Variants in ZNF699 observed in about 807,000 individuals in gnomAD.
ZNF699 encodes the protein zinc finger protein 699.
Under a neutral mutation model 22.5 loss-of-function variants are expected in ZNF699, and 18 were observed. The observed-to-expected ratio is 0.80, with a 90% CI of 0.55 to 1.19. The LOEUF (loss-of-function observed/expected upper bound fraction) is 1.19, where lower values mean the gene tolerates loss of function less well. Ranked by LOEUF, ZNF699 falls within the 50% of genes most tolerant of loss-of-function variation. ZNF699 has a pLI of 0.00. For synonymous variants in ZNF699, 241 were observed against 262.3 expected (o/e 0.92, Z 0.78); for missense variants, 670 against 763.4 (o/e 0.88, Z 1.44).
In ZNF699 at chr19:9,296,220, TC is replaced by T; in HGVS notation, c.1183del (p.Glu395AsnfsTer12). 1.2e-6 allele frequency: 2 copies of T among 1,614,120 alleles called. No individual in the cohort carries two copies. Among genetic ancestry groups the T allele is most frequent in the Non-Finnish European group, 1.7e-6 (2 of 1,179,988 alleles). ...GGGACAATTGTAGGCTTTCCCACAT[TC>T]CTTACATTTATAGGGTTTCTCTCCA... ...HTGEKPYKCK[E>X]CGKAYNCPSS... On this transcript the variant is annotated frameshift_variant, in exon 6 of 6. Transcript: ENST00000591998. LOFTEE classifies it low-confidence loss of function (END_TRUNC).
In ZNF699 at chr19:9,295,982, C is replaced by T. The variant is rs1490333984; in HGVS notation, c.1422G>A (p.Gln474=). The T allele has an allele frequency of 1.2e-6, 2 of 1,613,020 alleles. No individual in the cohort carries two copies. Among genetic ancestry groups the T allele is most frequent in the African/African-American group, 1.3e-5 (1 of 74,590 alleles). The change falls in exon 6 of 6, where the codon CAG becomes CAA. Residue 474 remains glutamine, a synonymous_variant. Transcript: ENST00000591998. ...AHVRDHTGKI[Q]YECKECGKTF... is the part of the protein sequence containing the mutation. Reference sequence around the variant, plus strand: ...TCTTCCCACACTCCTTACATTCATACTGTATCTTTCCAGTGTGATCTCTCA... The same window carrying T: ...TCTTCCCACACTCCTTACATTCATATTGTATCTTTCCAGTGTGATCTCTCA...
At chr19:9,299,865 TAAA>T (rs59470657) in intron 3 of ZNF699, among the ~76,000 whole-genome samples, 4 of 143,696 alleles carry the variant, frequency 2.8e-5, no homozygotes, top group African/African-American at 1.0e-4. Flanking sequence ...CAACAATGTT[TAAA>T]AAAAAAAAAG....
At chr19:9,304,221 GGAAAT>G (rs2066318694) in intron 2 of ZNF699, among the ~76,000 whole-genome samples, 1 of 152,006 alleles carries the variant, frequency 6.6e-6, no homozygotes, top group African/African-American at 2.4e-5. Context: ...AAAATGCTCT[GGAAAT>G]GAAATAATTT....
intron 1 of ZNF699, among the ~76,000 whole-genome samples, chr19:9,306,772 C>A (rs1003906425): frequency 2.6e-5 from 4 of 152,140 alleles, no homozygotes; most frequent in Non-Finnish European, 4.4e-5. Context: ...TCTTCAAAAC[C>A]CAAACACCCA....
chr19:9,291,215 A>G lies in ZNF699; in HGVS notation c.*4260T>C, dbSNP rs918739004. The stretch of plus-strand genomic sequence containing the variant: ...AAAACTCGATATTGTAAAGATGTCA[A>G]TTATCCTCAGGTTATTTTATAAAAC... On this transcript the variant is annotated 3_prime_UTR_variant, in exon 6 of 6. Coordinates refer to ENST00000591998, the MANE Select transcript of ZNF699 (RefSeq NM_198535.3). 7.2e-5 allele frequency among the ~76,000 whole-genome samples: 11 copies of G among 152,310 alleles called. No homozygotes were observed. The highest frequency in any genetic ancestry group is 2.4e-4 in the African/African-American group (10 of 41,588).
Position 9,296,754 on chromosome 19 carries a change from T to A in ZNF699, c.650A>T (p.His217Leu), listed in dbSNP as rs1404631864. ...HSSLKSHIRSHTGSKPYQCKE... is the reference protein window; with the variant it reads ...HSSLKSHIRSLTGSKPYQCKE... ...GCACTGATAGGGTTTGCTTCCAGTA[T>A]GAGACCTGATGTGACTCTTAAGGGA... Residue 217 changes from histidine (H) to leucine (L), a missense_variant, in exon 6 of 6, where the codon CAT (histidine) becomes CTT (leucine). Physicochemically the swap from His to Leu is moderately conservative, Grantham distance 99 (BLOSUM62 -3). Coordinates refer to ENST00000591998, the MANE Select transcript of ZNF699 (RefSeq NM_198535.3). 3 of 1,613,688 alleles carry A rather than the reference T, an allele frequency of 1.9e-6. No individual in the cohort carries two copies. In the Admixed American group the frequency reaches 5.0e-5, roughly 27 times the overall value.
At position 9,296,844 on chromosome 19, in the gene ZNF699, T is replaced by C. The variant is rs2066288831; in HGVS notation, c.560A>G (p.Lys187Arg). Residue 187 changes from lysine (K) to arginine (R), a missense_variant, in exon 6 of 6, where the codon AAG becomes AGG. Coordinates refer to ENST00000591998, the MANE Select transcript of ZNF699 (RefSeq NM_198535.3). ...FSQVPNLDSL[K>R]RNTEVKSCEC... ...ACAGGATTTTACTTCAGTATTTCTC[T>C]TGAGTGAATCAAGATTTGGAACTTG... 1 of 1,614,086 alleles carries C rather than the reference T, an allele frequency of 6.2e-7. No homozygotes were observed. Among genetic ancestry groups the C allele is most frequent in the Admixed American group, 1.7e-5 (1 of 60,002 alleles).
chr19:9,298,432 C>A (rs1273921987), intron 3 of ZNF699, among the ~76,000 whole-genome samples: 1 of 138,512 alleles, frequency 7.2e-6, no homozygotes, highest in Non-Finnish European at 1.5e-5. Flanking sequence ...GGCGACAGAG[C>A]GAGACTCTAT....
chr19:9,309,294 G>A (rs943152689), intron 1 of ZNF699, 56 bp downstream of exon 1: 2 of 152,062 alleles, frequency 1.3e-5, no homozygotes, highest in Non-Finnish European at 2.9e-5. Context: ...ACTACCTAAT[G>A]CATAAAGAGG....
rs753856740 is a variant in ZNF699, at chr19:9,295,923, A to G, written c.1481T>C (p.Leu494Pro). Residue 494 changes from leucine (L) to proline (P), a missense_variant, in exon 6 of 6, where the codon CTA (leucine) becomes CCA (proline). Physicochemically the swap from Leu to Pro is moderately conservative, Grantham distance 98. Coordinates refer to ENST00000591998, the MANE Select transcript of ZNF699 (RefSeq NM_198535.3). The part of the protein sequence containing the change: ...FSRSSSLTEH[L>P]RTHSGEKPYE... ...CGGCTTCTCTCCGCTGTGAGTTCTT[A>G]GGTGTTCGGTGAGGGATGAGGAACG... The G allele has an allele frequency of 1.9e-6, 3 of 1,613,844 alleles. No homozygotes were observed. The highest frequency in any genetic ancestry group is 2.5e-6 in the Non-Finnish European group (3 of 1,179,966).
chr19:9,308,199 T>G (rs2066334508), intron 1 of ZNF699, among the ~76,000 whole-genome samples: 2 of 152,080 alleles, frequency 1.3e-5, no homozygotes, highest in Admixed American at 1.3e-4. Flanking sequence ...CAGGTTGATC[T>G]CATTTCCTAG....
chr19:9,308,161 ATTGT>A (rs1291217836), intron 1 of ZNF699, among the ~76,000 whole-genome samples: 2 of 152,148 alleles, frequency 1.3e-5, no homozygotes, highest in Non-Finnish European at 2.9e-5. Context: ...AATTTAATTT[ATTGT>A]TTAAGACAGA....
chr19:9,295,755 A>G lies in ZNF699; in HGVS notation c.1649T>C (p.Met550Thr). The change falls in exon 6 of 6, where the codon ATG becomes ACG. Residue 550 changes from methionine (M) to threonine (T), a missense_variant. Transcript: ENST00000591998. ...GGGTTTTTCCCCAGTGTGCGTTCTC[A>G]TGTGGATCCTAAGGGCTGAGGGATA... ...FIYPSALRIHMRTHTGEKPYE... is the reference protein window; with the variant it reads ...FIYPSALRIHTRTHTGEKPYE... 3 of 1,613,834 alleles carry G rather than the reference A, an allele frequency of 1.9e-6. No homozygotes were observed. The highest frequency in any genetic ancestry group is 2.5e-6 in the Non-Finnish European group (3 of 1,179,912).
chr19:9,297,073 A>T lies in ZNF699; in HGVS notation c.471-140T>A. 1 of 842,036 alleles carries T rather than the reference A, an allele frequency of 1.2e-6. No individual in the cohort carries two copies. Among genetic ancestry groups the T allele is most frequent in the South Asian group, 2.0e-5 (1 of 50,406 alleles). The allele number at this position is 842,036 out of a possible 1,614,324, so 52.2% of individuals were successfully genotyped here. ...CGACAGCCAATACTGTCACTGAGTT[A>T]TTGACTCACGGGATTTTTCTGATAA... On this transcript the variant is annotated intron_variant, in intron 5 of 5. Transcript: ENST00000591998. The surrounding 1 kb of genome is among the most constrained non-coding windows in gnomAD (Gnocchi z 4.3).
In ZNF699 at chr19:9,294,853, A is replaced by T. The variant is rs2144973431; in HGVS notation, c.*622T>A. On this transcript the variant is annotated 3_prime_UTR_variant, in exon 6 of 6. Coordinates refer to ENST00000591998, the MANE Select transcript of ZNF699 (RefSeq NM_198535.3). The stretch of plus-strand genomic sequence containing the variant: ...CTCTAACGTCTCTTAGCAAAAAAGA[A>T]TAGGAAGAAAAATATTGAGTGGGCA... The T allele has an allele frequency of 6.6e-6, 1 of 152,340 alleles. No individual in the cohort carries two copies. Among genetic ancestry groups the T allele is most frequent in the Middle Eastern group, 3.4e-3 (1 of 294 alleles). 9.4% of individuals were successfully genotyped at this position (152,340 alleles called of 1,614,324 possible). A position where few individuals can be genotyped will look rare whatever the true frequency, so the allele number is the denominator to read the frequency against.
chr19:9,295,290 C>G lies in ZNF699; in HGVS notation c.*185G>C. 3.1e-6 allele frequency: 2 copies of G among 646,808 alleles called. No homozygotes were observed. The highest frequency in any genetic ancestry group is 5.1e-6 in the Non-Finnish European group (2 of 394,630). 40.1% of individuals were successfully genotyped at this position (646,808 alleles called of 1,614,324 possible). A position where few individuals can be genotyped will look rare whatever the true frequency, so the allele number is the denominator to read the frequency against. ...TAGAGATTTTCTTATACATAATAAG[C>G]AATGTTCATAAAGGCTTTAGCACAT... On this transcript the variant is annotated 3_prime_UTR_variant, in exon 6 of 6. Coordinates refer to ENST00000591998, the MANE Select transcript of ZNF699 (RefSeq NM_198535.3).
chr19:9,305,903 C>T (rs1468020899), intron 1 of ZNF699, among the ~76,000 whole-genome samples: 3 of 151,876 alleles, frequency 2.0e-5, no homozygotes, highest in Admixed American at 6.6e-5. Context: ...GGTGTTTCAC[C>T]GTGTTAGCCA....
In ZNF699 at chr19:9,295,358, C is replaced by CA; in HGVS notation, c.*116dup. The CA allele has an allele frequency of 2.2e-6, 3 of 1,392,716 alleles. No individual in the cohort carries two copies. Among genetic ancestry groups the CA allele is most frequent in the Non-Finnish European group, 2.9e-6 (3 of 1,037,926 alleles). The allele number at this position is 1,392,716 out of a possible 1,614,324, so 86.3% of individuals were successfully genotyped here. A position where few individuals can be genotyped will look rare whatever the true frequency, so the allele number is the denominator to read the frequency against. On this transcript the variant is annotated 3_prime_UTR_variant, in exon 6 of 6. Transcript: ENST00000591998. ...TTTCTCTAAAGTGTCCTCAAATCTT[C>CA]AAAACGATGAGCAACAATTTCCTAC...
Position 9,291,497 on chromosome 19 carries a change from T to C in ZNF699, c.*3978A>G, listed in dbSNP as rs2066265346. 6.6e-6 allele frequency: 1 copy of C among 152,124 alleles called. No homozygotes were observed. The highest frequency in any genetic ancestry group is 1.5e-5 in the Non-Finnish European group (1 of 68,028). 9.4% of individuals were successfully genotyped at this position (152,124 alleles called of 1,614,324 possible). ...CAGCAAAGAGGAAACCATGGTCTCT[T>C]TGATAAATCTATATACACACACCTT... On this transcript the variant is annotated 3_prime_UTR_variant, in exon 6 of 6. Coordinates refer to ENST00000591998, the MANE Select transcript of ZNF699 (RefSeq NM_198535.3).
Sources: allele counts gnomAD v4.1 joint callset (sites outside exome capture counted in the v4.1 genomes callset), GRCh38; gene constraint gnomAD v4.1.1; non-coding constraint Gnocchi (gnomAD v3.1); transcripts MANE v1.5; gene names NCBI Gene and HGNC (gene_info 2026-07-23, HGNC 2026-07-21).